The following GNAQ variants were observed in gnomAD, a reference collection of about 807,000 sequenced individuals.
The protein encoded by GNAQ is G protein subunit alpha q, also known as guanine nucleotide-binding protein G(q) subunit alpha.
GNAQ carries 8 observed loss-of-function variants against 43.9 expected under a neutral mutation model. That is an observed-to-expected ratio of 0.18 (90% CI 0.11 to 0.33). The LOEUF (loss-of-function observed/expected upper bound fraction) is 0.33, where lower values mean the gene tolerates loss of function less well. Ranked by LOEUF, GNAQ falls within the 10% of genes least tolerant of loss-of-function variation. The probability of loss-of-function intolerance (pLI) is 1.00; values close to 1 mark genes in which losing one functional copy is unlikely to be tolerated. For synonymous variants in GNAQ, 155 were observed against 170.7 expected (o/e 0.91, Z 0.71); for missense variants, 158 against 450.8 (o/e 0.35, Z 5.88).
Position 77,910,550 on chromosome 9 carries a change from C to G in GNAQ, c.321+11611G>C, listed in dbSNP as rs1218287871. Among the ~76,000 whole-genome samples the G allele has an allele frequency of 2.6e-5, 4 of 152,090 alleles. No individual in the cohort carries two copies. In the East Asian group the frequency reaches 7.7e-4, roughly 29 times the overall value. Reference sequence around the variant, plus strand: ...GTCATTCTGCGCAGGTTTGTCTAAGCAGCTGAGAGCAGTTTAGAGACAGGC... The same window carrying G: ...GTCATTCTGCGCAGGTTTGTCTAAGGAGCTGAGAGCAGTTTAGAGACAGGC... On this transcript the variant is annotated intron_variant, in intron 2 of 6. Transcript: ENST00000286548.
At chr9:77,991,174 CAG>C (rs1372186862) in intron 1 of GNAQ, among the ~76,000 whole-genome samples, 1 of 152,192 alleles carries the variant, frequency 6.6e-6, no homozygotes, top group African/African-American at 2.4e-5. Context: ...TTTGTTCACT[CAG>C]AGAATCCTTC....
In GNAQ at chr9:77,994,096, A is replaced by G. The variant is rs145249740; in HGVS notation, c.136+37004T>C. ...TAGTGGCACGATCATAGCTCACTGC[A>G]GCTTTGATCTCCTGGGCTCAAGTGA... On this transcript the variant is annotated intron_variant, in intron 1 of 6. Coordinates refer to ENST00000286548, the MANE Select transcript of GNAQ (RefSeq NM_002072.5). 7.0e-3 allele frequency among the ~76,000 whole-genome samples: 1,062 copies of G among 152,278 alleles called. 19 individuals carry two copies. The highest frequency in any genetic ancestry group is 0.024 in the African/African-American group (986 of 41,548).
intron 5 of GNAQ, among the ~76,000 whole-genome samples, chr9:77,769,664 C>CT (rs539379703): frequency 0.11 from 13,584 of 129,114 alleles, 955 homozygotes; most frequent in South Asian, 0.21. Flanking sequence ...GACAAGAACT[C>CT]TTTTTTTTTT....
At chr9:77,736,207 T>C (rs927717270) in intron 5 of GNAQ, among the ~76,000 whole-genome samples, 6 of 152,200 alleles carry the variant, frequency 3.9e-5, no homozygotes, top group Non-Finnish European at 2.9e-5. Context: ...TGTTTCTTCC[T>C]AAGATTCTCC....
chr9:77,973,826 T>A (rs1358414958), intron 1 of GNAQ, among the ~76,000 whole-genome samples: 1 of 152,096 alleles, frequency 6.6e-6, no homozygotes, highest in Non-Finnish European at 1.5e-5. Context: ...TAGGGGGCAA[T>A]GAAGTCATTT....
chr9:78,015,711 G>GA (rs1341705865), intron 1 of GNAQ, among the ~76,000 whole-genome samples: 4 of 150,976 alleles, frequency 2.6e-5, no homozygotes, highest in African/African-American at 7.3e-5. Context: ...AACTAAGGTT[G>GA]AAAAAAAACT....
chr9:78,025,102 G>A (rs1390517504), intron 1 of GNAQ, among the ~76,000 whole-genome samples: 5 of 152,248 alleles, frequency 3.3e-5, no homozygotes, highest in Non-Finnish European at 1.5e-5. Context: ...CCAAATTCAT[G>A]ACCACCTAGG....
chr9:77,946,150 T>C (rs117686190), intron 1 of GNAQ, among the ~76,000 whole-genome samples: 165 of 152,274 alleles, frequency 1.1e-3, no homozygotes, highest in Non-Finnish European at 2.0e-3. Flanking sequence ...ACAACCACCA[T>C]GCTGCTAGTG....
chr9:77,861,376 T>C lies in GNAQ; in HGVS notation c.322-45606A>G, dbSNP rs868827098. ...TGCCCCTTGCCACTCCCAAATCTCA[T>C]GTCCTCATATTTCAAAACCAATCAT... On this transcript the variant is annotated intron_variant, in intron 2 of 6. Transcript: ENST00000286548. 4.6e-5 allele frequency among the ~76,000 whole-genome samples: 7 copies of C among 152,272 alleles called. No homozygotes were observed. The South Asian group carries it at 1.0e-3, about 23-fold the overall frequency.
Position 77,717,668 on chromosome 9 carries a change from C to T in GNAQ, c.*3655G>A, listed in dbSNP as rs1408231391. The T allele has an allele frequency of 4.4e-6, 1 of 228,530 alleles. No homozygotes were observed. Among genetic ancestry groups the T allele is most frequent in the Non-Finnish European group, 8.6e-6 (1 of 116,472 alleles). 14.2% of individuals were successfully genotyped at this position (228,530 alleles called of 1,614,324 possible). ...TTGACAATCAAGATAGTCTGAAGTACAAAAAAGTAAATTGCCCTTTAGCTG... is the reference window on the plus strand; with the variant it reads ...TTGACAATCAAGATAGTCTGAAGTATAAAAAAGTAAATTGCCCTTTAGCTG... On this transcript the variant is annotated 3_prime_UTR_variant, in exon 7 of 7. Transcript: ENST00000286548.
intron 4 of GNAQ, among the ~76,000 whole-genome samples, chr9:77,795,030 T>C (rs1432747821): frequency 6.6e-6 from 1 of 152,168 alleles, no homozygotes; most frequent in Non-Finnish European, 1.5e-5. Flanking sequence ...ACTACAAGTA[T>C]ACTTAAAATA....
At chr9:77,823,672 A>G (rs1003626170) in intron 2 of GNAQ, among the ~76,000 whole-genome samples, 2 of 152,166 alleles carry the variant, frequency 1.3e-5, no homozygotes, top group Non-Finnish European at 2.9e-5. Context: ...GTGGTAGAGC[A>G]GGAGAGACAG....
At chr9:77,936,597 T>G (rs1288925399) in intron 1 of GNAQ, among the ~76,000 whole-genome samples, 1 of 152,116 alleles carries the variant, frequency 6.6e-6, no homozygotes, top group Non-Finnish European at 1.5e-5. Context: ...TAACAGAAAT[T>G]AAACCAACTA....
At chr9:77,775,409 C>CTTTTT (rs555902583) in intron 5 of GNAQ, among the ~76,000 whole-genome samples, 3 of 130,964 alleles carry the variant, frequency 2.3e-5, no homozygotes, top group South Asian at 2.5e-4. Context: ...CCTCATCTCT[C>CTTTTT]TTTTTTTTTT....
At chr9:77,810,214 CTATCT>C (rs1826897002) in intron 3 of GNAQ, among the ~76,000 whole-genome samples, 3 of 30,388 alleles carry the variant, frequency 9.9e-5, no homozygotes, top group African/African-American at 5.8e-4. Flanking sequence ...AATCATCTAT[CTATCT>C]ATCTATCTAT....
chr9:77,853,201 G>C (rs972385305), intron 2 of GNAQ, among the ~76,000 whole-genome samples: 1 of 152,142 alleles, frequency 6.6e-6, no homozygotes, highest in Non-Finnish European at 1.5e-5. Flanking sequence ...AGAACAAAGA[G>C]AATTTGTTGG....
At chr9:77,896,193 T>A (rs1353707974) in intron 2 of GNAQ, among the ~76,000 whole-genome samples, 2 of 152,218 alleles carry the variant, frequency 1.3e-5, no homozygotes, top group Admixed American at 1.3e-4. Context: ...TTTTTAAAAG[T>A]AGAAATTTAC....
At chr9:77,728,219 G>A (rs1825430201) in intron 6 of GNAQ, among the ~76,000 whole-genome samples, 1 of 151,962 alleles carries the variant, frequency 6.6e-6, no homozygotes, top group East Asian at 1.9e-4. Flanking sequence ...GGTCTCGATC[G>A]CTTGACCTCG....
chr9:78,019,740 T>C (rs1396728767), intron 1 of GNAQ, among the ~76,000 whole-genome samples: 1 of 151,828 alleles, frequency 6.6e-6, no homozygotes, highest in Non-Finnish European at 1.5e-5. Flanking sequence ...CTGACCAACA[T>C]GGTGAAACCC....
Sources: allele counts gnomAD v4.1 joint callset (sites outside exome capture counted in the v4.1 genomes callset), GRCh38; gene constraint gnomAD v4.1.1; transcripts MANE v1.5; gene names NCBI Gene and HGNC (gene_info 2026-07-23, HGNC 2026-07-21).